RBBP8: variants seen among roughly 807,000 people sequenced by gnomAD.
The protein encoded by RBBP8 is RB binding protein 8, endonuclease, also known as DNA endonuclease RBBP8.
A neutral mutation model predicts 108.3 loss-of-function variants in RBBP8; 88 were observed. That is an observed-to-expected ratio of 0.81 (90% confidence interval 0.68 to 0.97). The LOEUF is 0.97. RBBP8 is among the 50% of genes least tolerant of loss of function. RBBP8 has a pLI of 0.00. For missense variants in RBBP8, 1,023 were observed against 1,049.0 expected, an observed-to-expected ratio of 0.98 and a Z score of 0.34; for synonymous variants, 332 against 348.2, an observed-to-expected ratio of 0.95 and a Z score of 0.52.
chr18:22,922,414 T>C (rs987296092), intron 3 of RBBP8, among the ~76,000 whole-genome samples: 1 of 152,086 alleles, frequency 6.6e-6, no homozygotes, highest in African/African-American at 2.4e-5. Flanking sequence ...TACAAAAAAG[T>C]GGAGACACAC....
At chr18:22,974,639 T>C (rs1208910862) in intron 5 of RBBP8, among the ~76,000 whole-genome samples, 6 of 152,308 alleles carry the variant, frequency 3.9e-5, no homozygotes, top group Middle Eastern at 3.4e-3. Context: ...TTTGTGTTTT[T>C]AGTGGAGACG....
intron 3 of RBBP8, among the ~76,000 whole-genome samples, chr18:22,925,671 A>G (rs1909765557): frequency 6.6e-6 from 1 of 152,210 alleles, no homozygotes; most frequent in Admixed American, 6.5e-5. Context: ...TGAATATTAA[A>G]CATGTTTGCT....
intron 18 of RBBP8, 43 bp downstream of exon 18, chr18:23,022,313 A>C (rs2046359613): frequency 1.3e-6 from 2 of 1,564,492 alleles, no homozygotes; most frequent in Non-Finnish European, 1.8e-6. Context: ...TTTTTTTTAA[A>C]TACTTGGCCG....
intron 2 of RBBP8, chr18:22,916,813 T>C (rs543169873): frequency 6.6e-5 from 10 of 152,324 alleles, no homozygotes; most frequent in Admixed American, 3.9e-4. Context: ...TGACTCAATA[T>C]TGCTTTAAGC....
At chr18:23,016,411 G>GTAC (rs1226692718) in intron 16 of RBBP8, among the ~76,000 whole-genome samples, 1 of 152,014 alleles carries the variant, frequency 6.6e-6, no homozygotes, top group Non-Finnish European at 1.5e-5. Flanking sequence ...AGGCGTGGTG[G>GTAC]TACAGGCCTG....
chr18:23,023,466 T>A (rs1438920846), intron 18 of RBBP8, among the ~76,000 whole-genome samples: 3 of 152,204 alleles, frequency 2.0e-5, no homozygotes, highest in Non-Finnish European at 4.4e-5. Flanking sequence ...TAATAAAAGG[T>A]CATGAGTAGT....
chr18:22,923,993 G>C (rs1448144594), intron 3 of RBBP8, among the ~76,000 whole-genome samples: 1 of 152,050 alleles, frequency 6.6e-6, no homozygotes, highest in Non-Finnish European at 1.5e-5. Context: ...ATTATAATAG[G>C]TGTTTCACTC....
chr18:23,013,075 A>T (rs2046196329), intron 16 of RBBP8, among the ~76,000 whole-genome samples: 1 of 152,220 alleles, frequency 6.6e-6, no homozygotes, highest in African/African-American at 2.4e-5. Flanking sequence ...GATCAGAAAA[A>T]AAAAAAAGAT....
intron 8 of RBBP8, 187 bp downstream of exon 8, chr18:22,985,177 CATATT>C (rs1277904494): frequency 6.4e-6 from 2 of 314,658 alleles, no homozygotes; most frequent in Non-Finnish European, 9.2e-6. Flanking sequence ...TATCCCTAAT[CATATT>C]AATATAAATT....
At chr18:23,005,518 T>G (rs2046027469) in intron 15 of RBBP8, among the ~76,000 whole-genome samples, 1 of 152,114 alleles carries the variant, frequency 6.6e-6, no homozygotes, top group African/African-American at 2.4e-5. Flanking sequence ...GTTCAAGAGA[T>G]TCTCCTGCCT....
Position 22,968,892 on chromosome 18 carries a change from A to G in RBBP8, c.335A>G (p.Gln112Arg), listed in dbSNP as rs757622472. The G allele has an allele frequency of 1.9e-6, 3 of 1,612,600 alleles. No individual in the cohort carries two copies. The highest frequency in any genetic ancestry group is 2.2e-5 in the South Asian group (2 of 91,036). Reference protein sequence around the residue: ...KQQEFENIRQQNLKLITELMN... With the variant: ...KQQEFENIRQRNLKLITELMN... ...CAAGAGTTTGAAAATATCCGGCAGC[A>G]GAATCTTAAACTTATTACAGAACTT... The change falls in exon 5 of 19, where the codon CAG becomes CGG. Residue 112 changes from glutamine (Q) to arginine (R), a missense_variant. By Grantham distance (43) the Gln-to-Arg change is conservative. Coordinates refer to ENST00000327155, the MANE Select transcript of RBBP8 (RefSeq NM_002894.3).
At chr18:22,927,371 G>C (rs917815254) in intron 3 of RBBP8, among the ~76,000 whole-genome samples, 1 of 152,184 alleles carries the variant, frequency 6.6e-6, no homozygotes, top group Non-Finnish European at 1.5e-5. Context: ...GAAATGCCCA[G>C]CACAAATAGC....
chr18:23,008,855 G>C (rs1460986500), intron 16 of RBBP8, among the ~76,000 whole-genome samples: 2 of 135,722 alleles, frequency 1.5e-5, no homozygotes, highest in Non-Finnish European at 3.0e-5. Context: ...CTCACTGCAA[G>C]CTCTGCCTCC....
At chr18:23,009,727 G>A (rs1006813640) in intron 16 of RBBP8, among the ~76,000 whole-genome samples, 3 of 151,918 alleles carry the variant, frequency 2.0e-5, no homozygotes, top group Admixed American at 2.0e-4. Flanking sequence ...ATATAGTCAT[G>A]CTATCCATGA....
In RBBP8 at chr18:22,970,323, A is replaced by G. The variant is rs919211002; in HGVS notation, c.361+1405A>G. ...TTAGTACTACTGGAAATAATCTCCA[A>G]TAATGTCTACATATCTAATAGATTT... On this transcript the variant is annotated intron_variant, in intron 5 of 18. Transcript: ENST00000327155. Among the ~76,000 whole-genome samples, 6 of 152,296 alleles carry G rather than the reference A, an allele frequency of 3.9e-5. No individual in the cohort carries two copies. The South Asian group carries it at 1.2e-3, about 32-fold the overall frequency.
chr18:23,003,930 G>T (rs1025040125), intron 15 of RBBP8, among the ~76,000 whole-genome samples: 2 of 151,776 alleles, frequency 1.3e-5, no homozygotes, highest in African/African-American at 2.4e-5. Context: ...GGTGGCAGGT[G>T]CCTGTAGTCC....
At chr18:23,012,602 T>G (rs914893201) in intron 16 of RBBP8, among the ~76,000 whole-genome samples, 1 of 152,188 alleles carries the variant, frequency 6.6e-6, no homozygotes, top group Non-Finnish European at 1.5e-5. Context: ...AGAAGAAAAG[T>G]TTGAAACTAG....
chr18:23,014,098 A>C (rs1371906621), intron 16 of RBBP8, among the ~76,000 whole-genome samples: 2 of 152,032 alleles, frequency 1.3e-5, no homozygotes, highest in Admixed American at 1.3e-4. Context: ...TCCCGAGTTC[A>C]AGTGATTCTC....
intron 4 of RBBP8, 21 bp from the exon 5 acceptor site, chr18:22,968,785 A>G: frequency 1.3e-6 from 2 of 1,593,206 alleles, no homozygotes; most frequent in Non-Finnish European, 1.7e-6. Context: ...TGGATGAAAA[A>G]TACCTTGTTT....
Sources: gnomAD v4.1 joint callset for allele counts (sites outside exome capture counted in the v4.1 genomes callset) on GRCh38, gnomAD v4.1.1 for gene constraint, MANE v1.5 for transcripts, NCBI Gene and HGNC (gene_info 2026-07-23, HGNC 2026-07-21) for gene names.